Variants in HMGB3 observed in about 807,000 individuals in gnomAD.
HMGB3 encodes the protein high mobility group box 3, also known as high mobility group protein B3.
Under a neutral mutation model 12.9 loss-of-function variants are expected in HMGB3, and 1 was observed. The observed-to-expected ratio is 0.08, with a 90% CI of 0.03 to 0.37. The LOEUF (loss-of-function observed/expected upper bound fraction) is 0.37. Among genes scored for constraint, HMGB3 ranks in the 10% least tolerant of loss-of-function variants. HMGB3 has a pLI of 0.99. For missense variants in HMGB3, 74 were observed against 153.3 expected, an observed-to-expected ratio of 0.48 and a Z score of 2.73; for synonymous variants, 61 against 53.9, an observed-to-expected ratio of 1.13 and a Z score of -0.57.
chrX:150,981,945 C>T (rs2047995066), upstream of HMGB3, among the ~76,000 whole-genome samples: 1 of 111,593 alleles, frequency 9.0e-6, no homozygotes, highest in Admixed American at 9.5e-5. Flanking sequence ...CTGGAAGCAG[C>T]ATTTGGAAAA....
rs1368710072 is a variant in HMGB3 at position 150,983,341 on chromosome X, C to A, written c.-41C>A. The A allele has an allele frequency of 2.7e-6, 2 of 752,968 alleles. No homozygotes were observed. Among genetic ancestry groups the A allele is most frequent in the African/African-American group, 2.3e-5 (1 of 43,152 alleles). The allele number at this position is 752,968 out of a possible 1,213,427, so 62.1% of individuals were successfully genotyped here. On this transcript the variant is annotated 5_prime_UTR_variant, in exon 1 of 5. Transcript: ENST00000325307. ...GGCTGGGGAGCGCTGAGCCGCGCGT[C>A]GTGCCCTGCGCTGCCCAGACTAGCG...
rs1429063003 is a variant in HMGB3, at chrX:150,990,411, CTG to C, written c.*2500_*2501del. 3 of 112,209 alleles carry C rather than the reference CTG, an allele frequency of 2.7e-5. No individual in the cohort carries two copies. Among genetic ancestry groups the C allele is most frequent in the East Asian group, 2.8e-4 (1 of 3,577 alleles). 9.2% of individuals were successfully genotyped at this position (112,209 alleles called of 1,213,427 possible). On this transcript the variant is annotated 3_prime_UTR_variant, in exon 5 of 5. Transcript: ENST00000325307. ...AAGATCACTACTCAACGTTTTCACA[CTG>C]TGGCAAGATTGCTCTTCTAGTGGAA...
chrX:150,980,722 A>G (rs1295285136), upstream of HMGB3: 2 of 382,891 alleles, frequency 5.2e-6, no homozygotes, highest in African/African-American at 2.7e-5. Context: ...GAGGGTGGCA[A>G]CTGGGGGCCA....
Position 150,990,717 on chromosome X carries a change from A to G in HMGB3, c.*2803A>G. On this transcript the variant is annotated 3_prime_UTR_variant, in exon 5 of 5. Transcript: ENST00000325307. ...GTTCTTGTCACAAATGTATTTGGGG[A>G]CGTTGGATGCATTCATTTTCTGTAA... 9.0e-6 allele frequency: 1 copy of G among 111,509 alleles called. No individual in the cohort carries two copies. Among genetic ancestry groups the G allele is most frequent in the East Asian group, 2.8e-4 (1 of 3,565 alleles). 9.2% of individuals were successfully genotyped at this position (111,509 alleles called of 1,213,427 possible). A position where few individuals can be genotyped will look rare whatever the true frequency, so the allele number is the denominator to read the frequency against.
chrX:150,981,475 CT>C (rs34415347), upstream of HMGB3, among the ~76,000 whole-genome samples: 40,515 of 86,412 alleles, frequency 0.47, 8,471 homozygotes, highest in Admixed American at 0.56. Flanking sequence ...CTATCTCTGC[CT>C]TTTTTTTTTT....
Position 150,987,186 on chromosome X carries a change from G to C in HMGB3, c.349G>C (p.Gly117Arg). ...CCCCAAGATCAAATCCACAAACCCC[G>C]GCATCTCTATTGGAGACGTGGCAAA... ...FRPKIKSTNP[G>R]ISIGDVAKKL... The change falls in exon 4 of 5, where the codon GGC (glycine) becomes CGC (arginine). Residue 117 changes from glycine (G) to arginine (R), a missense_variant. Gly to Arg is a moderately radical substitution (Grantham distance 125, BLOSUM62 -2). Coordinates refer to ENST00000325307, the MANE Select transcript of HMGB3 (RefSeq NM_005342.4). 8.3e-7 allele frequency: 1 copy of C among 1,207,619 alleles called. No individual in the cohort carries two copies. The highest frequency in any genetic ancestry group is 1.1e-6 in the Non-Finnish European group (1 of 892,119).
At chrX:150,984,496 G>A (rs1214273478) in intron 1 of HMGB3, 4 of 198,372 alleles carry the variant, frequency 2.0e-5, no homozygotes, top group Non-Finnish European at 3.0e-5. Context: ...CGCGGCTGCC[G>A]CCGGCCCGGC....
chrX:150,985,892 T>G (rs1257495653), intron 2 of HMGB3, 143 bp downstream of exon 2: 1 of 817,125 alleles, frequency 1.2e-6, no homozygotes, highest in Non-Finnish European at 1.8e-6. Context: ...TTAAGAATTT[T>G]GTGTGTGTGC....
At position 150,990,701 on chromosome X, in the gene HMGB3, A is replaced by G. The variant is rs1266791474; in HGVS notation, c.*2787A>G. 8.9e-6 allele frequency: 1 copy of G among 111,816 alleles called. No individual in the cohort carries two copies. The highest frequency in any genetic ancestry group is 1.9e-5 in the Non-Finnish European group (1 of 53,181). 9.2% of individuals were successfully genotyped at this position (111,816 alleles called of 1,213,427 possible). A position where few individuals can be genotyped will look rare whatever the true frequency, so the allele number is the denominator to read the frequency against. The stretch of plus-strand genomic sequence containing the variant: ...TCTCCTGTGTGTGTCTGTTCTTGTC[A>G]CAAATGTATTTGGGGACGTTGGATG... On this transcript the variant is annotated 3_prime_UTR_variant, in exon 5 of 5. Coordinates refer to ENST00000325307, the MANE Select transcript of HMGB3 (RefSeq NM_005342.4).
chrX:150,984,487 G>T (rs2124444810), intron 1 of HMGB3: 1 of 165,107 alleles, frequency 6.1e-6, no homozygotes, highest in Admixed American at 9.6e-5. Context: ...CACCAGTGCC[G>T]CGGCTGCCGC....
intron 4 of HMGB3, among the ~76,000 whole-genome samples, 165 bp from the exon 5 acceptor site, chrX:150,987,612 G>A (rs188713628): frequency 7.5e-4 from 84 of 111,844 alleles, no homozygotes; most frequent in Non-Finnish European, 1.1e-3. Context: ...AATTCGAATG[G>A]CTAAGAACCA....
chrX:150,982,361 C>T (rs1281927133), upstream of HMGB3, among the ~76,000 whole-genome samples: 1 of 111,844 alleles, frequency 8.9e-6, no homozygotes. Context: ...AAAAACATTG[C>T]CTGAATCCCC....
upstream of HMGB3, among the ~76,000 whole-genome samples, chrX:150,982,094 G>T (rs782193762): frequency 3.6e-5 from 4 of 112,179 alleles, no homozygotes; most frequent in African/African-American, 1.3e-4. Flanking sequence ...TCTTTAAACT[G>T]CTCTTTTTCT....
At chrX:150,981,475 CTTTT>C (rs34415347), upstream of HMGB3, among the ~76,000 whole-genome samples, 2 of 86,749 alleles carry the variant, frequency 2.3e-5, no homozygotes, top group African/African-American at 8.3e-5. Flanking sequence ...CTATCTCTGC[CTTTT>C]TTTTTTTTTT....
In HMGB3 at chrX:150,988,711, G is replaced by T. The variant is rs2048081593; in HGVS notation, c.*797G>T. ...TTCGCAACGTTCTGTTATTTTTTTT[G>T]TATGTTTAGAATGCTGAAATGTTTT... is the stretch of plus-strand genomic sequence containing the variant. On this transcript the variant is annotated 3_prime_UTR_variant, in exon 5 of 5. Transcript: ENST00000325307. 8.9e-6 allele frequency: 1 copy of T among 111,943 alleles called. No homozygotes were observed. Among genetic ancestry groups the T allele is most frequent in the Non-Finnish European group, 1.9e-5 (1 of 53,148 alleles). 9.2% of individuals were successfully genotyped at this position (111,943 alleles called of 1,213,427 possible).
intron 1 of HMGB3, chrX:150,984,439 T>G: frequency 9.4e-6 from 1 of 106,913 alleles, no homozygotes; most frequent in Non-Finnish European, 1.9e-5. Flanking sequence ...GGATCAGCCA[T>G]TTTAGCGAGT....
rs2048049129 is a variant in HMGB3 at position 150,986,041 on chromosome X, T to C, written c.151-10T>C. 1 of 1,206,301 alleles carries C rather than the reference T, an allele frequency of 8.3e-7. No individual in the cohort carries two copies. Among genetic ancestry groups the C allele is most frequent in the South Asian group, 1.8e-5 (1 of 56,253 alleles). On this transcript the variant is annotated splice_polypyrimidine_tract_variant and intron_variant, in intron 2 of 4. Transcript: ENST00000325307. ...GCATCGAGGGATTTAACGAGTCCTG[T>C]TCTTTGCAGACGATGTCCGGGAAAG...
rs1310197854 is a variant in HMGB3, at chrX:150,989,313, T to G, written c.*1399T>G. 4.5e-5 allele frequency: 5 copies of G among 110,709 alleles called. No individual in the cohort carries two copies. The highest frequency in any genetic ancestry group is 1.6e-4 in the African/African-American group (5 of 30,443). 9.1% of individuals were successfully genotyped at this position (110,709 alleles called of 1,213,427 possible). The stretch of plus-strand genomic sequence containing the variant: ...GTGGTGGGGTAGGGGACGGTATCCT[T>G]TTTTTGCTCCTACTTGGAAACACCA... On this transcript the variant is annotated 3_prime_UTR_variant, in exon 5 of 5. Coordinates refer to ENST00000325307, the MANE Select transcript of HMGB3 (RefSeq NM_005342.4).
At chrX:150,986,904 C>T (rs1323473161) in intron 3 of HMGB3, among the ~76,000 whole-genome samples, 1 of 111,886 alleles carries the variant, frequency 8.9e-6, no homozygotes, top group East Asian at 2.8e-4. Context: ...GCCTCGGCCT[C>T]CCAAAGTGCT....
Sources: allele counts gnomAD v4.1 joint callset (sites outside exome capture counted in the v4.1 genomes callset), GRCh38; gene constraint gnomAD v4.1.1; transcripts MANE v1.5; gene names NCBI Gene and HGNC (gene_info 2026-07-23, HGNC 2026-07-21).